The following ANXA11 variants were observed in gnomAD, a reference collection of about 807,000 sequenced individuals.
The protein encoded by ANXA11 is annexin A11.
In ANXA11, 57 loss-of-function variants were observed where a neutral mutation model predicts 64.7. That is an observed-to-expected ratio of 0.88 (90% CI 0.71 to 1.10). The LOEUF is 1.10. Among genes scored for constraint, ANXA11 ranks in the 50% least tolerant of loss-of-function variants. ANXA11 has a pLI of 0.00. For missense variants in ANXA11, 675 were observed against 670.7 expected (o/e 1.01, Z -0.07); for synonymous variants, 260 against 265.2 (o/e 0.98, Z 0.19).
rs780307887 is a variant in ANXA11 at position 80,162,069 on chromosome 10, C to T, written c.1087-41G>A. On this transcript the variant is annotated intron_variant, in intron 11 of 15. Transcript: ENST00000422982. Reference sequence around the variant, plus strand: ...GACGCACATGTGGCACAGGCCACACCCAGACCCCAGGCCCAGGTCACCCAG... The same window carrying T: ...GACGCACATGTGGCACAGGCCACACTCAGACCCCAGGCCCAGGTCACCCAG... 7 of 1,520,402 alleles carry T rather than the reference C, an allele frequency of 4.6e-6. No homozygotes were observed. The East Asian group carries it at 1.4e-4, about 30-fold the overall frequency. The allele number at this position is 1,520,402 out of a possible 1,614,324, so 94.2% of individuals were successfully genotyped here. A position where few individuals can be genotyped will look rare whatever the true frequency, so the allele number is the denominator to read the frequency against.
chr10:80,158,978 C>T (rs909817253), intron 13 of ANXA11, 122 bp downstream of exon 13: 14 of 736,364 alleles, frequency 1.9e-5, no homozygotes, highest in Non-Finnish European at 2.6e-5. Flanking sequence ...CTGGGCTGAG[C>T]GATCTTGGAT....
At chr10:80,180,837 T>C (rs1024257078) in intron 1 of ANXA11, 5 of 152,238 alleles carry the variant, frequency 3.3e-5, no homozygotes, top group Admixed American at 2.6e-4. Context: ...GAGGCGGTAC[T>C]TTTAAGAGGC....
chr10:80,187,025 C>T (rs1004752989), intron 1 of ANXA11, among the ~76,000 whole-genome samples: 2 of 152,208 alleles, frequency 1.3e-5, no homozygotes, highest in African/African-American at 4.8e-5. Context: ...TAATATCTGG[C>T]TGCCTCGCAG....
intron 6 of ANXA11, 30 bp from the exon 7 acceptor site, chr10:80,167,014 G>C: frequency 6.6e-7 from 1 of 1,518,802 alleles, no homozygotes; most frequent in African/African-American, 1.4e-5. Flanking sequence ...GGGTGGGTCG[G>C]GTAGGGGTCA....
rs35715926 is a variant in ANXA11, at chr10:80,168,999, C to T, written c.531G>A (p.Gly177=). The change falls in exon 5 of 16, where the codon GGG becomes GGA. Residue 177 remains glycine (G), a synonymous_variant. Coordinates refer to ENST00000422982, the MANE Select transcript of ANXA11 (RefSeq NM_145868.2). ...VPSYPGYPGS[G]TVTPAVPPTQ... Reference sequence around the variant, plus strand: ...TTGGGGGCACAGCGGGGGTGACAGTCCCAGACCCCGGGTATCCTGGGTAGC... The same window carrying T: ...TTGGGGGCACAGCGGGGGTGACAGTTCCAGACCCCGGGTATCCTGGGTAGC... The T allele has an allele frequency of 8.5e-4, 1,318 of 1,544,220 alleles. 3 individuals are homozygous for T. The African/African-American group carries it at 0.015, about 18-fold the overall frequency.
At chr10:80,191,240 T>C (rs1846761663) in intron 1 of ANXA11, among the ~76,000 whole-genome samples, 1 of 151,620 alleles carries the variant, frequency 6.6e-6, no homozygotes, top group Non-Finnish European at 1.5e-5. Context: ...TAAAATAAAA[T>C]TAAAATTCAA....
At chr10:80,191,118 G>A (rs1470404108) in intron 1 of ANXA11, among the ~76,000 whole-genome samples, 2 of 152,038 alleles carry the variant, frequency 1.3e-5, no homozygotes, top group African/African-American at 4.8e-5. Context: ...CCAGCTACTC[G>A]AGAGGCTGAG....
chr10:80,155,712 G>A lies in ANXA11; in HGVS notation c.*141C>T. ...TCCTGTGGCACACTATACGGGTCAG[G>A]AGGGGTGGAAGACAGGCCTAAGCTC... On this transcript the variant is annotated 3_prime_UTR_variant, in exon 16 of 16. Transcript: ENST00000422982. The A allele has an allele frequency of 1.2e-6, 1 of 846,646 alleles. No individual in the cohort carries two copies. Among genetic ancestry groups the A allele is most frequent in the Non-Finnish European group, 2.0e-6 (1 of 507,904 alleles). The allele number at this position is 846,646 out of a possible 1,614,324, so 52.4% of individuals were successfully genotyped here.
At chr10:80,201,849 G>A (rs896518676) in intron 1 of ANXA11, among the ~76,000 whole-genome samples, 2 of 152,118 alleles carry the variant, frequency 1.3e-5, no homozygotes, top group African/African-American at 2.4e-5. Flanking sequence ...CCTGTGAGCA[G>A]CCTCCACATT....
At chr10:80,167,923 C>T (rs1340618300) in intron 5 of ANXA11, among the ~76,000 whole-genome samples, 1 of 152,142 alleles carries the variant, frequency 6.6e-6, no homozygotes, top group Admixed American at 6.5e-5. Flanking sequence ...GGATTGTCTT[C>T]CTAGGGGCTG....
Position 80,151,666 on chromosome 10 carries a change from G to C in ANXA11, c.*4187C>G, listed in dbSNP as rs997130023. On this transcript the variant is annotated 3_prime_UTR_variant, in exon 16 of 16. Transcript: ENST00000422982. ...GGCACCTGCAAAGGTTCATCTTTCA[G>C]CTCCCTCTTCCCAAAGCTAGGAGTG... The C allele has an allele frequency of 2.6e-5, 4 of 152,190 alleles. No individual in the cohort carries two copies. Among genetic ancestry groups the C allele is most frequent in the African/African-American group, 9.7e-5 (4 of 41,434 alleles). The allele number at this position is 152,190 out of a possible 1,614,324, so 9.4% of individuals were successfully genotyped here.
At chr10:80,172,969 A>G in intron 2 of ANXA11, 100 bp from the exon 3 acceptor site, 1 of 1,005,350 alleles carries the variant, frequency 9.9e-7, no homozygotes. Context: ...CACAACTGGG[A>G]CCCTGCAGAA....
chr10:80,187,558 C>A (rs903374456), intron 1 of ANXA11, among the ~76,000 whole-genome samples: 1 of 148,298 alleles, frequency 6.7e-6, no homozygotes, highest in African/African-American at 2.5e-5. Context: ...CACACACACA[C>A]ACACACACAC....
Position 80,166,972 on chromosome 10 carries a change from T to A in ANXA11, c.662A>T (p.Gln221Leu), listed in dbSNP as rs1046822105. 1.2e-6 allele frequency: 2 copies of A among 1,601,546 alleles called. No individual in the cohort carries two copies. Among genetic ancestry groups the A allele is most frequent in the Non-Finnish European group, 1.7e-6 (2 of 1,174,898 alleles). ...ACTCCCCAGGCAGTCAATGATGGCC[T>A]GCTCATCCGTCCCTGGAGGAAGAGG... ...KAMKGFGTDE[Q>L]AIIDCLGSRS... Residue 221 changes from glutamine (Q) to leucine (L), a missense_variant, in exon 7 of 16, where the codon CAG (glutamine) becomes CTG (leucine). Coordinates refer to ENST00000422982, the MANE Select transcript of ANXA11 (RefSeq NM_145868.2).
At chr10:80,168,602 C>T (rs745918670) in intron 5 of ANXA11, among the ~76,000 whole-genome samples, 42 of 152,132 alleles carry the variant, frequency 2.8e-4, no homozygotes, top group Non-Finnish European at 4.6e-4. Context: ...GGCATGATCC[C>T]GGCTCACTGC....
chr10:80,161,643 T>C (rs1465597946), intron 12 of ANXA11, among the ~76,000 whole-genome samples: 1 of 152,264 alleles, frequency 6.6e-6, no homozygotes, highest in African/African-American at 2.4e-5. Context: ...TGCCAGGCTT[T>C]GGAAAACACT....
At chr10:80,189,932 G>C (rs1327197251) in intron 1 of ANXA11, among the ~76,000 whole-genome samples, 1 of 152,214 alleles carries the variant, frequency 6.6e-6, no homozygotes, top group African/African-American at 2.4e-5. Context: ...ATATCATTCA[G>C]CCTCAAAACA....
intron 1 of ANXA11, among the ~76,000 whole-genome samples, chr10:80,192,597 T>C (rs1011711705): frequency 1.3e-5 from 2 of 152,134 alleles, no homozygotes; most frequent in Non-Finnish European, 2.9e-5. Context: ...GCAATCATTG[T>C]GAAATTTGAG....
In ANXA11 at chr10:80,205,435, T is replaced by TGCCTAGGGGCTGGGTCCC. The variant is rs1840633411; in HGVS notation, c.-168_-151dup. On this transcript the variant is annotated 5_prime_UTR_variant, in exon 1 of 16. Coordinates refer to ENST00000422982, the MANE Select transcript of ANXA11 (RefSeq NM_145868.2). ...CGTCCCGGGCGCGGCGCCTGGGTTC[T>TGCCTAGGGGCTGGGTCCC]GCCTAGGGGCTGGGTCCCACTCCCG... The TGCCTAGGGGCTGGGTCCC allele has an allele frequency of 2.7e-5, 1 of 36,784 alleles. No individual in the cohort carries two copies. Among genetic ancestry groups the TGCCTAGGGGCTGGGTCCC allele is most frequent in the Non-Finnish European group, 4.8e-5 (1 of 20,982 alleles). The allele number at this position is 36,784 out of a possible 1,614,324, so 2.3% of individuals were successfully genotyped here.
Sources: allele counts gnomAD v4.1 joint callset (sites outside exome capture counted in the v4.1 genomes callset), GRCh38; gene constraint gnomAD v4.1.1; transcripts MANE v1.5; gene names NCBI Gene and HGNC (gene_info 2026-07-23, HGNC 2026-07-21).